CALCR: variants seen among roughly 807,000 people sequenced by gnomAD.
CALCR encodes calcitonin receptor.
In CALCR, 47 loss-of-function variants were observed where a neutral mutation model predicts 59.5. That is an observed-to-expected ratio of 0.79 (90% CI 0.63 to 1.01). The LOEUF is 1.01. Ranked by LOEUF, CALCR falls within the 50% of genes least tolerant of loss-of-function variation. The probability of loss-of-function intolerance (pLI) is 0.00; values close to 1 mark genes in which losing one functional copy is unlikely to be tolerated. For missense variants in CALCR, 566 were observed against 597.1 expected, an observed-to-expected ratio of 0.95 and a Z score of 0.54; for synonymous variants, 213 against 211.3, an observed-to-expected ratio of 1.01 and a Z score of -0.07.
At chr7:93,478,874 G>A (rs1380414643) in intron 4 of CALCR, among the ~76,000 whole-genome samples, 1 of 151,720 alleles carries the variant, frequency 6.6e-6, no homozygotes, top group East Asian at 2.0e-4. Context: ...TGGCTAGGAG[G>A]TACCTTTTTG....
chr7:93,460,382 C>T (rs865832714), intron 8 of CALCR, among the ~76,000 whole-genome samples: 2 of 150,896 alleles, frequency 1.3e-5, no homozygotes, highest in East Asian at 3.9e-4. Context: ...GGTGAAACCC[C>T]GTTTCTACTA....
chr7:93,465,217 G>A (rs1437225573), intron 7 of CALCR, among the ~76,000 whole-genome samples: 2 of 151,924 alleles, frequency 1.3e-5, no homozygotes, highest in Non-Finnish European at 2.9e-5. Flanking sequence ...CCACAGAAAA[G>A]TAAATTGATA....
At chr7:93,531,920 T>C (rs2374658) in intron 2 of CALCR, among the ~76,000 whole-genome samples, 2,745 of 152,150 alleles carry the variant, frequency 0.018, 92 homozygotes, top group African/African-American at 0.063. Context: ...GAAAAATACT[T>C]AGTACATATA....
At chr7:93,489,249 G>A (rs1801019591) in intron 2 of CALCR, among the ~76,000 whole-genome samples, 1 of 151,750 alleles carries the variant, frequency 6.6e-6, no homozygotes, top group Non-Finnish European at 1.5e-5. Context: ...AGAATCTCTG[G>A]GACACAGTTA....
Position 93,550,598 on chromosome 7 carries a change from AACACACACACACACAC to A in CALCR, c.-27+23675_-27+23690del, listed in dbSNP as rs201729250. 9.0e-5 allele frequency among the ~76,000 whole-genome samples: 11 copies of A among 121,924 alleles called. No individual in the cohort carries two copies. The South Asian group carries it at 1.1e-3, about 12-fold the overall frequency. The allele number at this position is 121,924 out of a possible 152,430, so 80.0% of individuals were successfully genotyped here. A position where few individuals can be genotyped will look rare whatever the true frequency, so the allele number is the denominator to read the frequency against. ...TAACCAAGCATTTCCATTTGGGCTA[AACACACACACACACAC>A]ACACACACACACACACACACACACA... On this transcript the variant is annotated intron_variant, in intron 2 of 13. Coordinates refer to ENST00000426151, the MANE Select transcript of CALCR (RefSeq NM_001742.4).
chr7:93,497,123 A>C (rs1004798607), intron 2 of CALCR, among the ~76,000 whole-genome samples: 1 of 151,604 alleles, frequency 6.6e-6, no homozygotes, highest in African/African-American at 2.4e-5. Flanking sequence ...TCTGCATTGG[A>C]GAGCTGTTCT....
At chr7:93,477,482 T>G (rs1800690129) in intron 5 of CALCR, 76 bp downstream of exon 5, 13 of 969,138 alleles carry the variant, frequency 1.3e-5, no homozygotes, top group Non-Finnish European at 1.9e-5. Context: ...ACATTTTGTA[T>G]CTGATTTTCT....
intron 6 of CALCR, among the ~76,000 whole-genome samples, chr7:93,469,819 G>A (rs1303943610): frequency 6.6e-6 from 1 of 151,716 alleles, no homozygotes; most frequent in Non-Finnish European, 1.5e-5. Flanking sequence ...GAATGCAAAT[G>A]TAGTGTAGAT....
At chr7:93,449,700 A>C (rs989336431) in intron 8 of CALCR, among the ~76,000 whole-genome samples, 2 of 152,056 alleles carry the variant, frequency 1.3e-5, no homozygotes, top group Admixed American at 6.6e-5. Context: ...TGATCTGACA[A>C]ATAAATTCCA....
chr7:93,567,552 G>GT (rs370167550), intron 2 of CALCR, among the ~76,000 whole-genome samples: 48 of 149,270 alleles, frequency 3.2e-4, no homozygotes, highest in Non-Finnish European at 4.9e-4. Flanking sequence ...TTTATAAAAA[G>GT]TTTTTTTTTT....
chr7:93,482,267 T>C (rs1800814595), intron 3 of CALCR, among the ~76,000 whole-genome samples: 1 of 151,888 alleles, frequency 6.6e-6, no homozygotes, highest in African/African-American at 2.4e-5. Flanking sequence ...TGGATCATGA[T>C]GCCTTCACAA....
intron 2 of CALCR, among the ~76,000 whole-genome samples, chr7:93,517,304 C>CTTTTTTTTTTTTCTTTT (rs753908420): frequency 6.8e-6 from 1 of 147,240 alleles, no homozygotes; most frequent in South Asian, 2.2e-4. Flanking sequence ...GATTTGAGAA[C>CTTTTTTTTTTTTCTTTT]TTTTTTTTTT....
intron 2 of CALCR, among the ~76,000 whole-genome samples, chr7:93,542,847 C>A (rs944815277): frequency 6.6e-6 from 1 of 152,084 alleles, no homozygotes; most frequent in African/African-American, 2.4e-5. Context: ...TCTTATTCCA[C>A]TGGAAAGTCG....
At chr7:93,466,511 G>C (rs1462067627) in intron 7 of CALCR, among the ~76,000 whole-genome samples, 1 of 151,848 alleles carries the variant, frequency 6.6e-6, no homozygotes, top group Non-Finnish European at 1.5e-5. Context: ...ATTTTATACA[G>C]CTTTTTTTGG....
At chr7:93,524,371 C>A (rs750019156) in intron 2 of CALCR, among the ~76,000 whole-genome samples, 1 of 151,906 alleles carries the variant, frequency 6.6e-6, no homozygotes, top group Non-Finnish European at 1.5e-5. Flanking sequence ...GCGGTTTCAC[C>A]GTGTTAGCCA....
At chr7:93,497,321 C>T (rs564407302) in intron 2 of CALCR, among the ~76,000 whole-genome samples, 3 of 151,762 alleles carry the variant, frequency 2.0e-5, no homozygotes, top group Non-Finnish European at 4.4e-5. Context: ...CTCTTATAAA[C>T]TTAACCACTT....
chr7:93,488,654 A>T (rs938804896), intron 2 of CALCR, among the ~76,000 whole-genome samples: 2 of 149,736 alleles, frequency 1.3e-5, no homozygotes, highest in Non-Finnish European at 3.0e-5. Context: ...CCAACAAGAT[A>T]AAAAAAAAGA....
chr7:93,536,624 C>A (rs1183245428), intron 2 of CALCR, among the ~76,000 whole-genome samples: 3 of 151,730 alleles, frequency 2.0e-5, no homozygotes, highest in Non-Finnish European at 4.4e-5. Context: ...ATACATGTGC[C>A]ATGTTGGTGT....
At chr7:93,554,164 T>C (rs1037574677) in intron 2 of CALCR, among the ~76,000 whole-genome samples, 2 of 152,222 alleles carry the variant, frequency 1.3e-5, no homozygotes, top group African/African-American at 4.8e-5. Flanking sequence ...ACCACAAGAC[T>C]GCTTTTATCT....
Sources: allele counts gnomAD v4.1 joint callset (sites outside exome capture counted in the v4.1 genomes callset), GRCh38; gene constraint gnomAD v4.1.1; transcripts MANE v1.5; gene names NCBI Gene and HGNC (gene_info 2026-07-23, HGNC 2026-07-21).